Variants in LYPLAL1 observed in about 807,000 individuals in gnomAD.
The protein encoded by LYPLAL1 is lysophospholipase-like protein 1.
In LYPLAL1, 23 loss-of-function variants were observed where a neutral mutation model predicts 19.7. The observed-to-expected ratio is 1.17, with a 90% CI of 0.84 to 1.65. The LOEUF (loss-of-function observed/expected upper bound fraction) is 1.65, where lower values mean the gene tolerates loss of function less well. LYPLAL1 is among the 40% of genes most tolerant of loss of function. LYPLAL1 has a pLI of 0.00. For synonymous variants in LYPLAL1, 119 were observed against 96.3 expected, an observed-to-expected ratio of 1.24 and a Z score of -1.38; for missense variants, 355 against 279.4, an observed-to-expected ratio of 1.27 and a Z score of -1.93.
chr1:219,216,600 C>T (rs1475116631), downstream of LYPLAL1, among the ~76,000 whole-genome samples: 1 of 152,076 alleles, frequency 6.6e-6, no homozygotes, highest in Non-Finnish European at 1.5e-5. Flanking sequence ...ATGTGAGCCC[C>T]ACCTATTGCT....
the LYPLAL1 span, among the ~76,000 whole-genome samples, chr1:219,318,987 T>A: frequency 6.6e-6 from 1 of 152,212 alleles, no homozygotes; most frequent in Admixed American, 6.5e-5. Flanking sequence ...TCCCATTCTT[T>A]CTCTTTTTCA....
the LYPLAL1 span, among the ~76,000 whole-genome samples, chr1:219,342,981 T>C: frequency 6.6e-6 from 1 of 152,218 alleles, no homozygotes; most frequent in Non-Finnish European, 1.5e-5. Flanking sequence ...GGTTATGTGA[T>C]GCTTAATGGG....
chr1:219,229,416 C>T, the LYPLAL1 span, among the ~76,000 whole-genome samples: 6 of 149,856 alleles, frequency 4.0e-5, no homozygotes, highest in South Asian at 1.1e-3. Context: ...TGGCCTGATT[C>T]CCGGCGAAAA....
chr1:219,322,305 A>G, the LYPLAL1 span, among the ~76,000 whole-genome samples: 4 of 152,144 alleles, frequency 2.6e-5, no homozygotes, highest in Admixed American at 2.6e-4. Flanking sequence ...ATGTATCCAC[A>G]CTAATTAAAA....
intron 2 of LYPLAL1, among the ~76,000 whole-genome samples, chr1:219,190,747 T>C (rs944873288): frequency 2.6e-4 from 39 of 151,370 alleles, no homozygotes; most frequent in African/African-American, 9.4e-4. Flanking sequence ...AAAGTACTCT[T>C]TTAAACAAGA....
the LYPLAL1 span, among the ~76,000 whole-genome samples, chr1:219,274,605 C>G: frequency 1.3e-5 from 2 of 151,670 alleles, no homozygotes; most frequent in South Asian, 4.2e-4. Flanking sequence ...AACCTGGTCT[C>G]GAACTCCTGA....
the LYPLAL1 span, among the ~76,000 whole-genome samples, chr1:219,438,874 G>A: frequency 6.6e-6 from 1 of 152,144 alleles, no homozygotes; most frequent in Non-Finnish European, 1.5e-5. Flanking sequence ...AATGACAAAG[G>A]ACATTAGTAT....
chr1:219,337,256 G>A, the LYPLAL1 span, among the ~76,000 whole-genome samples: 11 of 152,054 alleles, frequency 7.2e-5, 1 homozygote, highest in South Asian at 2.3e-3. Flanking sequence ...AACTTACTCA[G>A]AGGTTCTGGG....
the LYPLAL1 span, among the ~76,000 whole-genome samples, chr1:219,400,608 A>G: frequency 6.6e-6 from 1 of 151,508 alleles, no homozygotes; most frequent in African/African-American, 2.4e-5. Context: ...TGATTCTTGT[A>G]TCTAGCCTCT....
At chr1:219,222,668 T>A in the LYPLAL1 span, 2 of 152,308 alleles carry the variant, frequency 1.3e-5, no homozygotes, top group Admixed American at 1.3e-4. Flanking sequence ...TTAAAAGGAC[T>A]GTAAGTTTCC....
the LYPLAL1 span, among the ~76,000 whole-genome samples, chr1:219,233,905 G>A: frequency 1.3e-5 from 2 of 152,144 alleles, no homozygotes; most frequent in South Asian, 4.1e-4. Context: ...CTGCCTCTAA[G>A]TATGACCATA....
the LYPLAL1 span, among the ~76,000 whole-genome samples, chr1:219,359,101 A>C: frequency 6.6e-6 from 1 of 152,186 alleles, no homozygotes; most frequent in Non-Finnish European, 1.5e-5. Flanking sequence ...GAAACCTTAC[A>C]TCATACTTAA....
chr1:219,429,689 A>G, the LYPLAL1 span, among the ~76,000 whole-genome samples: 5 of 152,012 alleles, frequency 3.3e-5, no homozygotes, highest in African/African-American at 1.2e-4. Flanking sequence ...ATAAGAAAGA[A>G]ATTCCCAGGC....
chr1:219,415,334 G>A, the LYPLAL1 span, among the ~76,000 whole-genome samples: 2 of 152,358 alleles, frequency 1.3e-5, no homozygotes, highest in South Asian at 4.1e-4. Flanking sequence ...ATTGAAGCAA[G>A]AGGAAGAAAT....
At chr1:219,180,960 A>AG (rs1264009153) in intron 2 of LYPLAL1, among the ~76,000 whole-genome samples, 1 of 152,136 alleles carries the variant, frequency 6.6e-6, no homozygotes, top group African/African-American at 2.4e-5. Flanking sequence ...CAGTTTTATA[A>AG]CCAATAGCTA....
At chr1:219,230,594 A>G in the LYPLAL1 span, among the ~76,000 whole-genome samples, 1 of 152,244 alleles carries the variant, frequency 6.6e-6, no homozygotes, top group Admixed American at 6.5e-5. Flanking sequence ...TTATGGCATT[A>G]AAGTTTTAAA....
chr1:219,430,392 AGTT>A, the LYPLAL1 span, among the ~76,000 whole-genome samples: 1 of 147,952 alleles, frequency 6.8e-6, no homozygotes, highest in Non-Finnish European at 1.5e-5. Context: ...TTCGTTTTGT[AGTT>A]ATTTTTCTTT....
Position 219,211,777 on chromosome 1 carries a change from G to A in LYPLAL1, c.*49G>A. 1.6e-6 allele frequency: 2 copies of A among 1,266,312 alleles called. No individual in the cohort carries two copies. Among genetic ancestry groups the A allele is most frequent in the Non-Finnish European group, 2.2e-6 (2 of 917,278 alleles). The allele number at this position is 1,266,312 out of a possible 1,614,324, so 78.4% of individuals were successfully genotyped here. ...TGTAAGTGTAATGTCTTTGTGAAAA[G>A]TGATTTTTACTGCCAAATTATAATG... is the stretch of plus-strand genomic sequence containing the variant. On this transcript the variant is annotated 3_prime_UTR_variant, in exon 5 of 5. Transcript: ENST00000366928.
the LYPLAL1 span, among the ~76,000 whole-genome samples, chr1:219,311,704 T>C: frequency 6.6e-6 from 1 of 152,174 alleles, no homozygotes; most frequent in Non-Finnish European, 1.5e-5. Context: ...TGCATCATGA[T>C]TATACCACCA....
Sources: allele counts gnomAD v4.1 joint callset (sites outside exome capture counted in the v4.1 genomes callset), GRCh38; gene constraint gnomAD v4.1.1; transcripts MANE v1.5; gene names NCBI Gene and HGNC (gene_info 2026-07-23, HGNC 2026-07-21).